Variants in ENPP1 observed in about 807,000 individuals in gnomAD.
The protein encoded by ENPP1 is ectonucleotide pyrophosphatase/phosphodiesterase 1.
In ENPP1, 73 loss-of-function variants were observed where a neutral mutation model predicts 122.8. That is an observed-to-expected ratio of 0.59 (90% confidence interval 0.49 to 0.72). The LOEUF is 0.72. ENPP1 is among the 30% of genes least tolerant of loss of function. The pLI is 0.00. For missense variants in ENPP1, 978 were observed against 1,128.1 expected, an observed-to-expected ratio of 0.87 and a Z score of 1.91; for synonymous variants, 367 against 391.6, an observed-to-expected ratio of 0.94 and a Z score of 0.74.
At chr6:131,842,177 T>C (rs1781748716) in intron 1 of ENPP1, among the ~76,000 whole-genome samples, 1 of 152,142 alleles carries the variant, frequency 6.6e-6, no homozygotes, top group African/African-American at 2.4e-5. Context: ...ATCTGTCTTG[T>C]GATGTTATAG....
Position 131,848,799 on chromosome 6 carries a change from G to A in ENPP1, c.313+951G>A, listed in dbSNP as rs965669235. On this transcript the variant is annotated intron_variant, in intron 2 of 24. Coordinates refer to ENST00000647893, the MANE Select transcript of ENPP1 (RefSeq NM_006208.3). ...TTAGGTGCATATTAATGAGCTCCAAGTAATAGCTATTATTCCAATAGACTT... is the reference window on the plus strand; with the variant it reads ...TTAGGTGCATATTAATGAGCTCCAAATAATAGCTATTATTCCAATAGACTT... 3.3e-5 allele frequency among the ~76,000 whole-genome samples: 5 copies of A among 152,192 alleles called. No individual in the cohort carries two copies. The East Asian group carries it at 7.7e-4, about 24-fold the overall frequency.
rs918623358 is a variant in ENPP1, at chr6:131,851,040, T to C, written c.431-102T>C. 2.0e-5 allele frequency: 26 copies of C among 1,329,284 alleles called. No homozygotes were observed. The East Asian group carries it at 2.5e-4, about 13-fold the overall frequency. 82.3% of individuals were successfully genotyped at this position (1,329,284 alleles called of 1,614,324 possible). A position where few individuals can be genotyped will look rare whatever the true frequency, so the allele number is the denominator to read the frequency against. On this transcript the variant is annotated intron_variant, in intron 3 of 24. Transcript: ENST00000647893. ...TGACTAAGAGCTGTGAAATTGTTCA[T>C]TGTTGCTCATGGATCATACTCAGGA...
At chr6:131,890,203 A>T (rs1782448702) in intron 24 of ENPP1, 138 bp from the exon 25 acceptor site, 1 of 728,040 alleles carries the variant, frequency 1.4e-6, no homozygotes, top group Non-Finnish European at 2.5e-6. Flanking sequence ...AGGAGAGATG[A>T]TGCCTAACAA....
chr6:131,860,061 G>A (rs890403508), intron 7 of ENPP1, among the ~76,000 whole-genome samples: 12 of 152,116 alleles, frequency 7.9e-5, no homozygotes, highest in African/African-American at 1.7e-4. Flanking sequence ...TCTTGACCTC[G>A]TGATCCGCCT....
intron 11 of ENPP1, among the ~76,000 whole-genome samples, chr6:131,865,424 A>G (rs1323508274): frequency 1.3e-5 from 2 of 152,188 alleles, no homozygotes; most frequent in East Asian, 3.9e-4. Context: ...CGATATTTGA[A>G]TACGTGATTT....
intron 6 of ENPP1, among the ~76,000 whole-genome samples, chr6:131,858,029 A>G (rs1490902142): frequency 6.6e-6 from 1 of 152,194 alleles, no homozygotes; most frequent in East Asian, 1.9e-4. Context: ...ACACATGCCA[A>G]TTTGAGGGAC....
chr6:131,864,400 G>T (rs1489495324), intron 9 of ENPP1, 106 bp from the exon 10 acceptor site: 4 of 737,102 alleles, frequency 5.4e-6, no homozygotes, highest in African/African-American at 3.5e-5. Flanking sequence ...CAATAGATGC[G>T]AAATAGCATT....
intron 1 of ENPP1, among the ~76,000 whole-genome samples, chr6:131,838,249 T>C (rs1047910182): frequency 2.6e-5 from 4 of 152,152 alleles, no homozygotes; most frequent in African/African-American, 9.7e-5. Flanking sequence ...AAGCATAAGG[T>C]AGTGTAATGA....
chr6:131,808,325 A>T, intron 1 of ENPP1, 50 bp downstream of exon 1: 1 of 1,459,766 alleles, frequency 6.9e-7, no homozygotes, highest in Non-Finnish European at 9.1e-7. Flanking sequence ...GAGTACGGGG[A>T]GGGCGGCGCC....
chr6:131,852,287 CA>C, intron 5 of ENPP1, 52 bp downstream of exon 5: 3 of 1,074,658 alleles, frequency 2.8e-6, no homozygotes, highest in Non-Finnish European at 4.2e-6. Context: ...AGTACAGCAT[CA>C]TTTTTTTCTT....
At chr6:131,838,925 G>GA (rs923311511) in intron 1 of ENPP1, among the ~76,000 whole-genome samples, 48 of 152,232 alleles carry the variant, frequency 3.2e-4, no homozygotes, top group African/African-American at 1.1e-3. Context: ...AGAACAATTA[G>GA]AAAATCTAAG....
chr6:131,835,722 C>G (rs1371466937), intron 1 of ENPP1, among the ~76,000 whole-genome samples: 2 of 152,112 alleles, frequency 1.3e-5, no homozygotes, highest in Admixed American at 6.5e-5. Context: ...GCTTTCCCTC[C>G]CTGCACCCCT....
chr6:131,882,424 C>T lies in ENPP1; in HGVS notation c.2180C>T (p.Ser727Leu). 1 of 1,609,090 alleles carries T rather than the reference C, an allele frequency of 6.2e-7. No homozygotes were observed. Among genetic ancestry groups the T allele is most frequent in the Non-Finnish European group, 8.5e-7 (1 of 1,176,472 alleles). ...RIPLSPVHKC[S>L]FYKNNTKVSY... ...CCTCTTAGTCCTGTCCATAAATGTT[C>T]ATTTTATAAAAATAACACCAAAGTG... The change falls in exon 21 of 25, where the codon TCA becomes TTA. Residue 727 changes from serine (S) to leucine (L), a missense_variant. Coordinates refer to ENST00000647893, the MANE Select transcript of ENPP1 (RefSeq NM_006208.3).
chr6:131,830,658 A>G (rs78327273), intron 1 of ENPP1, among the ~76,000 whole-genome samples: 4,682 of 152,284 alleles, frequency 0.031, 235 homozygotes, highest in African/African-American at 0.1. Context: ...ATCTACCTAA[A>G]TTAAAATATG....
At chr6:131,823,060 G>C (rs1167546876) in intron 1 of ENPP1, among the ~76,000 whole-genome samples, 2 of 152,170 alleles carry the variant, frequency 1.3e-5, no homozygotes, top group Non-Finnish European at 2.9e-5. Context: ...ACCATGAATA[G>C]TTTCATCCAT....
At chr6:131,818,135 G>A (rs908859794) in intron 1 of ENPP1, among the ~76,000 whole-genome samples, 1 of 152,130 alleles carries the variant, frequency 6.6e-6, no homozygotes, top group Admixed American at 6.6e-5. Context: ...TATGGTTAGA[G>A]AGAGAGAATT....
At position 131,827,755 on chromosome 6, in the gene ENPP1, G is replaced by T. The variant is rs1353188609; in HGVS notation, c.240+19480G>T. On this transcript the variant is annotated intron_variant, in intron 1 of 24. Coordinates refer to ENST00000647893, the MANE Select transcript of ENPP1 (RefSeq NM_006208.3). ...CTTCTTGTCCAGGCCACTGGAAGTTGGGCTTTCTATACCAGCTGACTCCAA... is the reference window on the plus strand; with the variant it reads ...CTTCTTGTCCAGGCCACTGGAAGTTTGGCTTTCTATACCAGCTGACTCCAA... The T allele has an allele frequency of 1.1e-5, 8 of 723,162 alleles. No homozygotes were observed. In the East Asian group the frequency reaches 2.0e-4, roughly 18 times the overall value. The allele number at this position is 723,162 out of a possible 1,614,324, so 44.8% of individuals were successfully genotyped here.
At chr6:131,841,373 C>G (rs1175649665) in intron 1 of ENPP1, among the ~76,000 whole-genome samples, 4 of 152,194 alleles carry the variant, frequency 2.6e-5, no homozygotes, top group African/African-American at 7.2e-5. Flanking sequence ...GATCAGAGGA[C>G]TGATAGGCAA....
At position 131,845,247 on chromosome 6, in the gene ENPP1, G is replaced by C. The variant is rs369460997; in HGVS notation, c.241-2529G>C. The stretch of plus-strand genomic sequence containing the variant: ...GGGGTTTCACCATCTTGGCCAGGCT[G>C]GTCTTTAACTCCTGACCTCGTGATC... On this transcript the variant is annotated intron_variant, in intron 1 of 24. Transcript: ENST00000647893. Among the ~76,000 whole-genome samples, 148 of 151,198 alleles carry C rather than the reference G, an allele frequency of 9.8e-4. 7 individuals are homozygous for C. The South Asian group carries it at 0.03, about 30-fold the overall frequency.
Sources: gnomAD v4.1 joint callset for allele counts (sites outside exome capture counted in the v4.1 genomes callset) on GRCh38, gnomAD v4.1.1 for gene constraint, MANE v1.5 for transcripts, NCBI Gene and HGNC (gene_info 2026-07-23, HGNC 2026-07-21) for gene names.